Variants in PTH2R observed in about 807,000 individuals in gnomAD.
PTH2R encodes parathyroid hormone 2 receptor.
Under a neutral mutation model 60.3 loss-of-function variants are expected in PTH2R, and 59 were observed. The ratio of observed to expected loss-of-function variants is 0.98; its 90% CI spans 0.79 to 1.22. The LOEUF (loss-of-function observed/expected upper bound fraction) is 1.22, where lower values mean the gene tolerates loss of function less well. PTH2R is among the 50% of genes most tolerant of loss of function. The pLI is 0.00. For missense variants in PTH2R, 749 were observed against 682.6 expected, an observed-to-expected ratio of 1.10 and a Z score of -1.08; for synonymous variants, 256 against 243.8, an observed-to-expected ratio of 1.05 and a Z score of -0.47.
At chr2:208,396,804 G>A (rs903833482) in intron 1 of PTH2R, among the ~76,000 whole-genome samples, 1 of 152,140 alleles carries the variant, frequency 6.6e-6, no homozygotes, top group Non-Finnish European at 1.5e-5. Context: ...TCCCATTACA[G>A]GGTATATACC....
chr2:208,489,138 C>T lies in PTH2R; in HGVS notation c.1203C>T (p.Phe401=), dbSNP rs753457723. The T allele has an allele frequency of 1.4e-5, 23 of 1,613,976 alleles. No homozygotes were observed. The South Asian group carries it at 2.5e-4, about 18-fold the overall frequency. ...WEIRMHCELF[F]NSFQGFFVSI... The stretch of plus-strand genomic sequence containing the variant: ...TCCGCATGCACTGTGAGCTCTTCTT[C>T]AACTCCTTTCAGGTAAAGGGTGCTG... Residue 401 remains phenylalanine (F), a synonymous_variant, in exon 11 of 13, where the codon TTC becomes TTT. Transcript: ENST00000272847.
At chr2:208,424,909 A>T (rs1265386528) in intron 1 of PTH2R, among the ~76,000 whole-genome samples, 1 of 152,218 alleles carries the variant, frequency 6.6e-6, no homozygotes, top group Non-Finnish European at 1.5e-5. Flanking sequence ...TACAAAGTAA[A>T]ACCAACAGGA....
At chr2:208,440,384 A>T (rs1216066269) in intron 4 of PTH2R, among the ~76,000 whole-genome samples, 1 of 152,162 alleles carries the variant, frequency 6.6e-6, no homozygotes, top group African/African-American at 2.4e-5. Flanking sequence ...ACATTATTCA[A>T]ATATTTTCTA....
chr2:208,372,464 A>G (rs183614154), intron 1 of PTH2R, among the ~76,000 whole-genome samples: 1 of 152,194 alleles, frequency 6.6e-6, no homozygotes, highest in East Asian at 1.9e-4. Context: ...AATACTTTGT[A>G]ATAATATACC....
intron 1 of PTH2R, among the ~76,000 whole-genome samples, chr2:208,370,190 TCA>T (rs1283826163): frequency 6.6e-6 from 1 of 151,974 alleles, no homozygotes; most frequent in East Asian, 1.9e-4. Context: ...ACGCCTGTAA[TCA>T]CAGCACTTCG....
At chr2:208,416,486 G>T (rs979178111) in intron 1 of PTH2R, among the ~76,000 whole-genome samples, 1 of 152,172 alleles carries the variant, frequency 6.6e-6, no homozygotes, top group African/African-American at 2.4e-5. Context: ...CCCTACTATG[G>T]CTTAGCCATG....
chr2:208,458,431 G>C (rs1260234585), intron 8 of PTH2R, among the ~76,000 whole-genome samples: 3 of 152,106 alleles, frequency 2.0e-5, no homozygotes, highest in Non-Finnish European at 2.9e-5. Context: ...AAAATGGACA[G>C]CTGTCAAAGA....
chr2:208,445,448 C>G (rs1268821298), intron 7 of PTH2R, among the ~76,000 whole-genome samples: 1 of 152,082 alleles, frequency 6.6e-6, no homozygotes, highest in Non-Finnish European at 1.5e-5. Flanking sequence ...GTTCTCATTT[C>G]AAAAATGATT....
At chr2:208,377,458 G>A (rs1423353162) in intron 1 of PTH2R, among the ~76,000 whole-genome samples, 3 of 110,288 alleles carry the variant, frequency 2.7e-5, no homozygotes, top group African/African-American at 8.1e-5. Flanking sequence ...CCGGGCAGAG[G>A]TGCCCCCCAC....
chr2:208,421,495 C>G (rs970165619), intron 1 of PTH2R, among the ~76,000 whole-genome samples: 1 of 151,610 alleles, frequency 6.6e-6, no homozygotes. Context: ...AAGGACTAAA[C>G]AAAAATAGTT....
intron 1 of PTH2R, among the ~76,000 whole-genome samples, chr2:208,368,647 C>G (rs1325764091): frequency 6.6e-6 from 1 of 152,128 alleles, no homozygotes; most frequent in African/African-American, 2.4e-5. Flanking sequence ...CTACATAATG[C>G]AGAAGAGTTT....
At chr2:208,411,654 G>T (rs1701541517) in intron 1 of PTH2R, among the ~76,000 whole-genome samples, 1 of 152,120 alleles carries the variant, frequency 6.6e-6, no homozygotes, top group African/African-American at 2.4e-5. Context: ...AATTGGTTTT[G>T]TCATCTACTG....
intron 1 of PTH2R, among the ~76,000 whole-genome samples, chr2:208,400,732 C>T (rs1206364349): frequency 6.6e-6 from 1 of 152,126 alleles, no homozygotes; most frequent in East Asian, 1.9e-4. Flanking sequence ...CAAGAGTTCA[C>T]TATATAATTG....
At chr2:208,365,954 ATATATATTTTTTTTTTTTTTTTTTTT>A (rs1700580761) in intron 1 of PTH2R, among the ~76,000 whole-genome samples, 1 of 19,050 alleles carries the variant, frequency 5.2e-5, no homozygotes, top group Non-Finnish European at 9.1e-5. Flanking sequence ...ATATATATAT[ATATATATTTTTTTTTTTTTTTTTTTT>A]TTTTTTTTTT....
chr2:208,465,763 C>T (rs565841026), intron 9 of PTH2R, among the ~76,000 whole-genome samples: 1 of 151,982 alleles, frequency 6.6e-6, no homozygotes, highest in East Asian at 1.9e-4. Flanking sequence ...AGGAACAGTG[C>T]AAAAACAACA....
chr2:208,387,609 A>T (rs976209675), intron 1 of PTH2R, among the ~76,000 whole-genome samples: 6 of 152,256 alleles, frequency 3.9e-5, no homozygotes, highest in African/African-American at 1.4e-4. Context: ...TAAAAATGTG[A>T]CTCTGTTTTT....
intron 1 of PTH2R, among the ~76,000 whole-genome samples, chr2:208,418,627 A>G (rs1195615564): frequency 1.3e-5 from 2 of 152,152 alleles, no homozygotes; most frequent in Non-Finnish European, 2.9e-5. Flanking sequence ...ATTATACTAA[A>G]TGAGGTAGTT....
At chr2:208,373,739 C>G (rs1158245792) in intron 1 of PTH2R, among the ~76,000 whole-genome samples, 1 of 152,050 alleles carries the variant, frequency 6.6e-6, no homozygotes, top group African/African-American at 2.4e-5. Context: ...CTGGAAGGAC[C>G]ACTGGGACTA....
At chr2:208,464,906 T>A (rs1038874597) in intron 9 of PTH2R, among the ~76,000 whole-genome samples, 1 of 152,192 alleles carries the variant, frequency 6.6e-6, no homozygotes, top group Non-Finnish European at 1.5e-5. Context: ...CACATTTTTT[T>A]TTCTCTCCAC....
Sources: gnomAD v4.1 joint callset for allele counts (sites outside exome capture counted in the v4.1 genomes callset) on GRCh38, gnomAD v4.1.1 for gene constraint, MANE v1.5 for transcripts, NCBI Gene and HGNC (gene_info 2026-07-23, HGNC 2026-07-21) for gene names.